PRDM5: variants seen among roughly 807,000 people sequenced by gnomAD.
PRDM5 encodes PR/SET domain 5, also known as PR domain zinc finger protein 5.
PRDM5 carries 56 observed loss-of-function variants against 81.2 expected under a neutral mutation model. The ratio of observed to expected loss-of-function variants is 0.69; its 90% CI spans 0.56 to 0.86. The LOEUF is 0.86. Ranked by LOEUF, PRDM5 falls within the 40% of genes least tolerant of loss-of-function variation. The pLI is 0.00. For missense variants in PRDM5, 697 were observed against 770.1 expected, an observed-to-expected ratio of 0.91 and a Z score of 1.12; for synonymous variants, 267 against 256.4, an observed-to-expected ratio of 1.04 and a Z score of -0.39.
chr4:120,898,325 C>T (rs1345389397), intron 2 of PRDM5, among the ~76,000 whole-genome samples: 5 of 152,162 alleles, frequency 3.3e-5, no homozygotes, highest in Admixed American at 6.5e-5. Flanking sequence ...TAATCTGCCA[C>T]GCAGCTTCAT....
chr4:120,707,581 A>C (rs913046065), intron 15 of PRDM5, among the ~76,000 whole-genome samples: 7 of 151,984 alleles, frequency 4.6e-5, no homozygotes, highest in East Asian at 1.9e-4. Flanking sequence ...AACAAACAAA[A>C]AAAAACAACA....
intron 2 of PRDM5, among the ~76,000 whole-genome samples, chr4:120,861,521 G>T (rs1021378928): frequency 2.6e-5 from 4 of 152,154 alleles, no homozygotes; most frequent in Non-Finnish European, 1.5e-5. Context: ...CTTTGGGCTG[G>T]GTGTGGTGGC....
chr4:120,771,572 G>C (rs1009411557), intron 13 of PRDM5, among the ~76,000 whole-genome samples: 1 of 152,072 alleles, frequency 6.6e-6, no homozygotes. Flanking sequence ...ATGATTTTAA[G>C]TATGCCAAAC....
intron 13 of PRDM5, among the ~76,000 whole-genome samples, chr4:120,755,319 T>A (rs1190335315): frequency 6.6e-6 from 1 of 152,208 alleles, no homozygotes; most frequent in African/African-American, 2.4e-5. Flanking sequence ...CAAAATTTAA[T>A]CTCCAAAAGG....
intron 11 of PRDM5, among the ~76,000 whole-genome samples, chr4:120,783,113 T>C (rs1749277175): frequency 6.6e-6 from 1 of 152,168 alleles, no homozygotes; most frequent in Non-Finnish European, 1.5e-5. Flanking sequence ...AAAGCTGATG[T>C]AAGTTTCTAA....
At chr4:120,844,346 T>C (rs76307209) in intron 3 of PRDM5, among the ~76,000 whole-genome samples, 9 of 152,178 alleles carry the variant, frequency 5.9e-5, no homozygotes, top group African/African-American at 1.9e-4. Flanking sequence ...TCATAGACAT[T>C]GCATATTTTA....
intron 7 of PRDM5, among the ~76,000 whole-genome samples, chr4:120,815,150 GAC>G (rs1175554945): frequency 6.6e-6 from 1 of 152,148 alleles, no homozygotes; most frequent in African/African-American, 2.4e-5. Context: ...ATATATTGCA[GAC>G]ATAGATGAAG....
At chr4:120,765,904 T>C (rs1285837617) in intron 13 of PRDM5, among the ~76,000 whole-genome samples, 1 of 152,082 alleles carries the variant, frequency 6.6e-6, no homozygotes, top group African/African-American at 2.4e-5. Context: ...GCAAAGTTAT[T>C]TATATCTTCA....
At chr4:120,741,126 T>G (rs1219478524) in intron 14 of PRDM5, among the ~76,000 whole-genome samples, 1 of 152,136 alleles carries the variant, frequency 6.6e-6, no homozygotes, top group East Asian at 1.9e-4. Flanking sequence ...CCTAAGCTTT[T>G]TATGCATGCC....
At chr4:120,864,139 G>A (rs1760946938) in intron 2 of PRDM5, among the ~76,000 whole-genome samples, 2 of 152,318 alleles carry the variant, frequency 1.3e-5, no homozygotes, top group South Asian at 4.1e-4. Context: ...AAAGATGAAG[G>A]GGAATAGATG....
chr4:120,800,604 T>TGCAGA (rs1441717868), intron 8 of PRDM5, among the ~76,000 whole-genome samples: 2 of 151,602 alleles, frequency 1.3e-5, no homozygotes, highest in Non-Finnish European at 2.9e-5. Context: ...GTAGCAGGTA[T>TGCAGA]GCAGGATGAA....
chr4:120,849,252 C>T (rs1561481190), intron 3 of PRDM5, among the ~76,000 whole-genome samples: 1 of 152,026 alleles, frequency 6.6e-6, no homozygotes, highest in Admixed American at 6.6e-5. Flanking sequence ...TTTAGAGATC[C>T]ACATGTGATT....
At chr4:120,691,541 C>T (rs557343238), downstream of PRDM5, among the ~76,000 whole-genome samples, 1 of 152,000 alleles carries the variant, frequency 6.6e-6, no homozygotes, top group East Asian at 1.9e-4. Flanking sequence ...CTTTTATTAC[C>T]CTTAAATTAT....
At chr4:120,844,058 T>TG (rs150059125) in intron 3 of PRDM5, among the ~76,000 whole-genome samples, 1 of 152,248 alleles carries the variant, frequency 6.6e-6, no homozygotes, top group African/African-American at 2.4e-5. Context: ...GCGGCCACTG[T>TG]GGGGCAGGCT....
At chr4:120,791,176 T>C (rs1413330951) in intron 10 of PRDM5, among the ~76,000 whole-genome samples, 1 of 152,098 alleles carries the variant, frequency 6.6e-6, no homozygotes, top group African/African-American at 2.4e-5. Flanking sequence ...ACCCAGAAAT[T>C]CCACACCTGA....
At chr4:120,826,208 C>T (rs1755957142) in intron 3 of PRDM5, among the ~76,000 whole-genome samples, 1 of 152,130 alleles carries the variant, frequency 6.6e-6, no homozygotes, top group African/African-American at 2.4e-5. Context: ...AATGTACCTG[C>T]TCCTCTTCTT....
At chr4:120,836,262 G>A (rs1301675261) in intron 3 of PRDM5, among the ~76,000 whole-genome samples, 4 of 152,164 alleles carry the variant, frequency 2.6e-5, no homozygotes, top group Admixed American at 6.5e-5. Context: ...CAGTGTGAAT[G>A]TTGATGTCAG....
intron 14 of PRDM5, among the ~76,000 whole-genome samples, chr4:120,745,447 G>A (rs1401391155): frequency 6.7e-6 from 1 of 148,990 alleles, no homozygotes. Flanking sequence ...TTAGGCAGGA[G>A]AAGGAAATAA....
At chr4:120,826,909 T>C (rs1756063377) in intron 3 of PRDM5, among the ~76,000 whole-genome samples, 2 of 152,172 alleles carry the variant, frequency 1.3e-5, no homozygotes, top group South Asian at 4.1e-4. Context: ...TATTTAATAA[T>C]GATTCTTCTT....
Sources: gnomAD v4.1 joint callset for allele counts (sites outside exome capture counted in the v4.1 genomes callset) on GRCh38, gnomAD v4.1.1 for gene constraint, MANE v1.5 for transcripts, NCBI Gene and HGNC (gene_info 2026-07-23, HGNC 2026-07-21) for gene names.